EYS: variants seen among roughly 807,000 people sequenced by gnomAD.
The protein encoded by EYS is EGF-like photoreceptor maintenance factor, also known as protein eyes shut homolog.
In EYS, 250 loss-of-function variants were observed where a neutral mutation model predicts 282.1. The observed-to-expected ratio is 0.89, with a 90% CI of 0.80 to 0.98. The LOEUF (loss-of-function observed/expected upper bound fraction) is 0.98, where lower values mean the gene tolerates loss of function less well. EYS is among the 50% of genes least tolerant of loss of function. The pLI, the probability that EYS is intolerant of heterozygous loss-of-function variation, is 0.00. For missense variants in EYS, 4,016 were observed against 3,709.0 expected (o/e 1.08, Z -2.15); for synonymous variants, 1,355 against 1,282.9 (o/e 1.06, Z -1.20).
intron 29 of EYS, among the ~76,000 whole-genome samples, chr6:64,309,440 G>A (rs953991700): frequency 6.6e-6 from 1 of 152,150 alleles, no homozygotes; most frequent in Non-Finnish European, 1.5e-5. Flanking sequence ...TTACATTTGA[G>A]TAAATTCAAA....
At chr6:65,061,521 C>T (rs1294314718) in intron 12 of EYS, among the ~76,000 whole-genome samples, 1 of 151,864 alleles carries the variant, frequency 6.6e-6, no homozygotes, top group Admixed American at 6.6e-5. Flanking sequence ...TTTGTGACAA[C>T]TGATGAACGT....
intron 12 of EYS, among the ~76,000 whole-genome samples, chr6:65,253,978 A>C (rs78824492): frequency 0.025 from 3,847 of 151,950 alleles, 62 homozygotes; most frequent in Middle Eastern, 0.045. Flanking sequence ...TTTAAAATAA[A>C]TCTTAAGGTA....
intron 35 of EYS, among the ~76,000 whole-genome samples, chr6:63,974,873 G>A (rs773670312): frequency 6.6e-6 from 1 of 151,974 alleles, no homozygotes; most frequent in African/African-American, 2.4e-5. Context: ...TACACTCAAG[G>A]ATGGCAGTAA....
intron 26 of EYS, among the ~76,000 whole-genome samples, chr6:64,519,109 T>C (rs967301256): frequency 6.6e-6 from 1 of 151,746 alleles, no homozygotes; most frequent in Non-Finnish European, 1.5e-5. Flanking sequence ...TGGAAGAGGC[T>C]ATGATACTGG....
At chr6:65,606,685 T>C (rs961708552) in intron 2 of EYS, among the ~76,000 whole-genome samples, 1 of 151,930 alleles carries the variant, frequency 6.6e-6, no homozygotes, top group Admixed American at 6.6e-5. Flanking sequence ...TTTAATACAT[T>C]TAAAATTACT....
At chr6:64,819,102 T>C (rs1764824058) in intron 21 of EYS, among the ~76,000 whole-genome samples, 1 of 152,138 alleles carries the variant, frequency 6.6e-6, no homozygotes, top group Admixed American at 6.6e-5. Context: ...TGAAAAACAG[T>C]TCATGAATCT....
chr6:64,570,456 T>A (rs1165680771), intron 26 of EYS, among the ~76,000 whole-genome samples: 1 of 152,120 alleles, frequency 6.6e-6, no homozygotes, highest in Non-Finnish European at 1.5e-5. Flanking sequence ...TAACCTTAAA[T>A]GTAAATGGGC....
At chr6:64,289,614 C>G (rs1768627625) in intron 30 of EYS, among the ~76,000 whole-genome samples, 2 of 152,086 alleles carry the variant, frequency 1.3e-5, no homozygotes, top group Middle Eastern at 3.4e-3. Context: ...TCTCGTAAAC[C>G]CACTCCCTGA....
chr6:63,899,627 C>T (rs74507184), intron 35 of EYS, among the ~76,000 whole-genome samples: 1,736 of 152,228 alleles, frequency 0.011, 37 homozygotes, highest in African/African-American at 0.04. Context: ...CCTGTTTATG[C>T]CTCAGGATTC....
At chr6:64,424,855 A>G (rs1342303876) in intron 28 of EYS, among the ~76,000 whole-genome samples, 1 of 152,208 alleles carries the variant, frequency 6.6e-6, no homozygotes, top group Non-Finnish European at 1.5e-5. Context: ...ATATAAAATG[A>G]AAGTAGGTGC....
intron 26 of EYS, among the ~76,000 whole-genome samples, chr6:64,535,496 G>C (rs1764489474): frequency 6.6e-6 from 1 of 151,910 alleles, no homozygotes. Flanking sequence ...ACAGCAGTTT[G>C]GGAGGCTGAA....
At chr6:64,798,950 C>A (rs1774448915) in intron 22 of EYS, among the ~76,000 whole-genome samples, 1 of 151,894 alleles carries the variant, frequency 6.6e-6, no homozygotes, top group Non-Finnish European at 1.5e-5. Flanking sequence ...GCTGGACTCA[C>A]ATTCCCCTCA....
rs584652 is a variant in EYS at position 65,176,519 on chromosome 6, T to C, written c.2024-118792A>G. ...TATTTAAAAAAAACTATAACAATAG[T>C]AAACTATATTGAAATAATAACTTTC... On this transcript the variant is annotated intron_variant, in intron 12 of 42. Coordinates refer to ENST00000503581, the MANE Select transcript of EYS (RefSeq NM_001142800.2). Among the ~76,000 whole-genome samples, 1,360 of 151,794 alleles carry C rather than the reference T, an allele frequency of 9.0e-3. 14 individuals are homozygous for C. Among genetic ancestry groups the C allele is most frequent in the African/African-American group, 0.031 (1,289 of 41,524 alleles).
At chr6:64,154,169 G>C (rs542958996) in intron 31 of EYS, among the ~76,000 whole-genome samples, 17 of 152,106 alleles carry the variant, frequency 1.1e-4, no homozygotes. Flanking sequence ...GGCTGGGAGC[G>C]GTGGCTCACG....
At chr6:64,336,644 A>G (rs1770859905) in intron 29 of EYS, among the ~76,000 whole-genome samples, 1 of 152,168 alleles carries the variant, frequency 6.6e-6, no homozygotes, top group Non-Finnish European at 1.5e-5. Flanking sequence ...TATATACAGA[A>G]CATTTTATTC....
chr6:64,234,450 T>C lies in EYS; in HGVS notation c.6192-3626A>G, dbSNP rs1389285646. ...GCAGAGTGTTTTTATTGTTTGGATA[T>C]ATCATCATGGATTCTATCAGTTTGT... On this transcript the variant is annotated intron_variant, in intron 30 of 42. Transcript: ENST00000503581. Among the ~76,000 whole-genome samples, 92 of 152,210 alleles carry C rather than the reference T, an allele frequency of 6.0e-4. 1 individual carries two copies.
At chr6:64,324,652 C>T (rs1263709663) in intron 29 of EYS, among the ~76,000 whole-genome samples, 1 of 152,086 alleles carries the variant, frequency 6.6e-6, no homozygotes, top group Non-Finnish European at 1.5e-5. Context: ...TTAAATGCAT[C>T]CAAAATAGGA....
chr6:63,975,002 A>G (rs1423284211), intron 35 of EYS, among the ~76,000 whole-genome samples: 1 of 151,938 alleles, frequency 6.6e-6, no homozygotes, highest in East Asian at 1.9e-4. Flanking sequence ...ATAAGCAACT[A>G]AAAACCCTAC....
At chr6:65,641,037 T>C (rs768523733) in intron 1 of EYS, among the ~76,000 whole-genome samples, 42 of 152,212 alleles carry the variant, frequency 2.8e-4, no homozygotes, top group Non-Finnish European at 1.3e-4. Context: ...TATTTCTTTG[T>C]CTCCCATGCT....
Sources: gnomAD v4.1 joint callset for allele counts (sites outside exome capture counted in the v4.1 genomes callset) on GRCh38, gnomAD v4.1.1 for gene constraint, MANE v1.5 for transcripts, NCBI Gene and HGNC (gene_info 2026-07-23, HGNC 2026-07-21) for gene names.